Variants in NOX4 observed in about 807,000 individuals in gnomAD.
The protein encoded by NOX4 is NADPH oxidase 4, also known as kidney oxidase-1.
NOX4 carries 69 observed loss-of-function variants against 87.6 expected under a neutral mutation model. That is an observed-to-expected ratio of 0.79 (90% CI 0.65 to 0.96). NOX4 has a LOEUF of 0.96. Ranked by LOEUF, NOX4 falls within the 40% of genes least tolerant of loss-of-function variation. The pLI, the probability that NOX4 is intolerant of heterozygous loss-of-function variation, is 0.00. For missense variants in NOX4, 680 were observed against 681.5 expected, an observed-to-expected ratio of 1.00 and a Z score of 0.02; for synonymous variants, 275 against 238.2, an observed-to-expected ratio of 1.15 and a Z score of -1.42.
intron 17 of NOX4, among the ~76,000 whole-genome samples, chr11:89,328,090 G>GA (rs1417173353): frequency 6.6e-6 from 1 of 152,138 alleles, no homozygotes; most frequent in Non-Finnish European, 1.5e-5. Flanking sequence ...AGGAGACAAA[G>GA]AACGGAGTTA....
chr11:89,385,641 C>T (rs1336232680), intron 11 of NOX4, among the ~76,000 whole-genome samples: 1 of 152,142 alleles, frequency 6.6e-6, no homozygotes, highest in Admixed American at 6.5e-5. Flanking sequence ...TCAAGGAAAT[C>T]AATTCTTAGT....
At chr11:89,452,858 A>T (rs185259455) in intron 2 of NOX4, among the ~76,000 whole-genome samples, 307 of 151,956 alleles carry the variant, frequency 2.0e-3, no homozygotes, top group Non-Finnish European at 3.6e-3. Flanking sequence ...AGGACTACAG[A>T]TGCATGCCAT....
intron 6 of NOX4, among the ~76,000 whole-genome samples, chr11:89,438,836 ATTATATATAT>A (rs1944279839): frequency 2.5e-5 from 1 of 39,698 alleles, no homozygotes; most frequent in South Asian, 7.7e-4. Flanking sequence ...TATCTTATAT[ATTATATATAT>A]TATATAATAT....
At chr11:89,345,779 C>T (rs555544206) in intron 13 of NOX4, among the ~76,000 whole-genome samples, 1 of 152,224 alleles carries the variant, frequency 6.6e-6, no homozygotes, top group East Asian at 1.9e-4. Context: ...ATAAACTACA[C>T]ATATAAGGAA....
At chr11:89,486,601 C>T (rs867341428) in intron 2 of NOX4, among the ~76,000 whole-genome samples, 6 of 95,658 alleles carry the variant, frequency 6.3e-5, no homozygotes, top group East Asian at 3.0e-4. Flanking sequence ...TGTATATATA[C>T]ATATATATGT....
chr11:89,487,920 A>G (rs749919850), intron 2 of NOX4, among the ~76,000 whole-genome samples: 15 of 152,168 alleles, frequency 9.9e-5, no homozygotes, highest in East Asian at 3.8e-4. Context: ...ATTAAACACT[A>G]CTTCATAGAT....
At chr11:89,356,709 A>C (rs112811528) in intron 12 of NOX4, among the ~76,000 whole-genome samples, 2,971 of 152,208 alleles carry the variant, frequency 0.02, 94 homozygotes, top group African/African-American at 0.068. Context: ...ATATGTATTT[A>C]TCTCTCTATC....
chr11:89,350,369 C>A (rs761223877), intron 13 of NOX4, among the ~76,000 whole-genome samples: 3 of 152,140 alleles, frequency 2.0e-5, no homozygotes, highest in Non-Finnish European at 2.9e-5. Flanking sequence ...AAAGGACATA[C>A]ATTTCCATAT....
At chr11:89,496,266 G>A (rs1946949037), upstream of NOX4, among the ~76,000 whole-genome samples, 1 of 152,186 alleles carries the variant, frequency 6.6e-6, no homozygotes, top group East Asian at 1.9e-4. Flanking sequence ...TGAAGACATT[G>A]GAGAGGTCCT....
chr11:89,445,856 A>T (rs752816523), intron 4 of NOX4, among the ~76,000 whole-genome samples: 22 of 152,254 alleles, frequency 1.4e-4, no homozygotes, highest in Middle Eastern at 3.4e-3. Context: ...GAAAGAAAGA[A>T]TTAATAAGCT....
In NOX4 at chr11:89,491,185, C is replaced by T. The variant is rs755542100; in HGVS notation, c.57+5G>A. On this transcript the variant is annotated splice_donor_5th_base_variant and intron_variant, in intron 1 of 17. Coordinates refer to ENST00000263317, the MANE Select transcript of NOX4 (RefSeq NM_016931.5). ...ACGCAAGGAGAGCCTAGCCCGCCAT[C>T]CTACCAGGCAGAGGTGTTTAACCCC... 6.2e-7 allele frequency: 1 copy of T among 1,613,676 alleles called. No homozygotes were observed. The highest frequency in any genetic ancestry group is 2.2e-5 in the East Asian group (1 of 44,864).
chr11:89,493,721 T>TTTTATTATTA (rs372046431), upstream of NOX4, among the ~76,000 whole-genome samples: 41 of 142,292 alleles, frequency 2.9e-4, no homozygotes, highest in African/African-American at 9.2e-4. Flanking sequence ...GCCAGATTGT[T>TTTTATTATTA]TTATTATTAT....
Position 89,342,187 on chromosome 11 carries a change from ATACAGCCTGTAGAGCAG to A in NOX4, c.1218-11_1223del. On this transcript the variant is annotated splice_acceptor_variant and splice_polypyrimidine_tract_variant and coding_sequence_variant and intron_variant, in exon 14 of 18. Coordinates refer to ENST00000263317, the MANE Select transcript of NOX4 (RefSeq NM_016931.5). LOFTEE classifies it high-confidence loss of function. ...ATGGACTTCCAAAAGGACCATCAAT[ATACAGCCTGTAGAGCAG>A]TCAGAAAAAGGTGGGAAAAAAATGA... 1 of 1,611,952 alleles carries A rather than the reference ATACAGCCTGTAGAGCAG, an allele frequency of 6.2e-7. No homozygotes were observed. The highest frequency in any genetic ancestry group is 1.7e-5 in the Admixed American group (1 of 59,710).
chr11:89,519,052 C>A, the NOX4 span, among the ~76,000 whole-genome samples: 2 of 151,980 alleles, frequency 1.3e-5, no homozygotes, highest in African/African-American at 4.8e-5. Context: ...TTCTTAGATA[C>A]TGTGTTAGGT....
At chr11:89,535,391 G>A in the NOX4 span, among the ~76,000 whole-genome samples, 2 of 152,176 alleles carry the variant, frequency 1.3e-5, no homozygotes, top group African/African-American at 4.8e-5. Context: ...TGTTCCCTAT[G>A]GGACTCTCAC....
chr11:89,364,040 T>C (rs1938738622), intron 12 of NOX4, among the ~76,000 whole-genome samples: 1 of 151,986 alleles, frequency 6.6e-6, no homozygotes, highest in Non-Finnish European at 1.5e-5. Context: ...AGGCCAGGGA[T>C]TTGAGACCAG....
At chr11:89,361,997 A>G (rs1488122452) in intron 12 of NOX4, among the ~76,000 whole-genome samples, 1 of 152,066 alleles carries the variant, frequency 6.6e-6, no homozygotes, top group Non-Finnish European at 1.5e-5. Context: ...AGGATATTTC[A>G]GCACTACACA....
intron 17 of NOX4, among the ~76,000 whole-genome samples, chr11:89,329,625 C>T (rs923671614): frequency 6.6e-6 from 1 of 151,762 alleles, no homozygotes; most frequent in Non-Finnish European, 1.5e-5. Flanking sequence ...AGACACATTA[C>T]AAATCATCAA....
intron 11 of NOX4, among the ~76,000 whole-genome samples, chr11:89,396,716 C>T (rs899305282): frequency 2.0e-5 from 3 of 151,972 alleles, no homozygotes; most frequent in African/African-American, 7.2e-5. Flanking sequence ...TCAAAAGAGA[C>T]AAAGAAGGCC....
Sources: gnomAD v4.1 joint callset for allele counts (sites outside exome capture counted in the v4.1 genomes callset) on GRCh38, gnomAD v4.1.1 for gene constraint, MANE v1.5 for transcripts, NCBI Gene and HGNC (gene_info 2026-07-23, HGNC 2026-07-21) for gene names.